Variants in SLC24A3 observed in about 807,000 individuals in gnomAD.
The protein encoded by SLC24A3 is solute carrier family 24 member 3, also known as sodium/potassium/calcium exchanger 3.
Under a neutral mutation model 75.8 loss-of-function variants are expected in SLC24A3, and 28 were observed. The ratio of observed to expected loss-of-function variants is 0.37; its 90% confidence interval spans 0.27 to 0.51. The LOEUF is 0.51. SLC24A3 is among the 20% of genes least tolerant of loss of function. SLC24A3 has a pLI of 0.94. For synonymous variants in SLC24A3, 372 were observed against 334.1 expected (o/e 1.11, Z -1.24); for missense variants, 663 against 847.8 (o/e 0.78, Z 2.71).
intron 2 of SLC24A3, among the ~76,000 whole-genome samples, chr20:19,339,428 G>A (rs1985218733): frequency 6.6e-6 from 1 of 152,100 alleles, no homozygotes; most frequent in Admixed American, 6.5e-5. Flanking sequence ...ATTTGTAAAA[G>A]AGAAAAATGT....
At chr20:19,508,274 GTGCA>G (rs1387087019) in intron 2 of SLC24A3, among the ~76,000 whole-genome samples, 1 of 152,132 alleles carries the variant, frequency 6.6e-6, no homozygotes, top group Non-Finnish European at 1.5e-5. Flanking sequence ...CCATCCTTCG[GTGCA>G]ATTCCTGAGA....
At chr20:19,655,558 G>A (rs948801812) in intron 7 of SLC24A3, among the ~76,000 whole-genome samples, 1 of 152,158 alleles carries the variant, frequency 6.6e-6, no homozygotes, top group African/African-American at 2.4e-5. Flanking sequence ...GGCTGTCTGT[G>A]AGAGTGCTTT....
chr20:19,565,259 C>A (rs2030936670), intron 3 of SLC24A3, among the ~76,000 whole-genome samples: 1 of 152,204 alleles, frequency 6.6e-6, no homozygotes, highest in African/African-American at 2.4e-5. Context: ...AATTCTCTTT[C>A]CTTGTTTGTG....
chr20:19,492,835 C>T (rs1381168737), intron 2 of SLC24A3, among the ~76,000 whole-genome samples: 3 of 151,980 alleles, frequency 2.0e-5, no homozygotes, highest in African/African-American at 7.3e-5. Context: ...TATGGCCTGT[C>T]CTCATCTACA....
intron 3 of SLC24A3, among the ~76,000 whole-genome samples, chr20:19,519,273 TG>T (rs2030058204): frequency 6.6e-6 from 1 of 152,226 alleles, no homozygotes. Context: ...CAGATGGTTC[TG>T]ACCCCTTGAT....
At chr20:19,676,913 C>G (rs906982423) in intron 9 of SLC24A3, among the ~76,000 whole-genome samples, 1 of 152,192 alleles carries the variant, frequency 6.6e-6, no homozygotes, top group Non-Finnish European at 1.5e-5. Context: ...GTCATGGGAC[C>G]TCAGCCAAGT....
At chr20:19,511,800 G>A (rs1473885963) in intron 2 of SLC24A3, among the ~76,000 whole-genome samples, 2 of 152,198 alleles carry the variant, frequency 1.3e-5, no homozygotes, top group African/African-American at 2.4e-5. Context: ...TTTCTGAGAG[G>A]AGCTGTAATG....
At chr20:19,258,833 C>T (rs547636679) in intron 1 of SLC24A3, among the ~76,000 whole-genome samples, 30 of 152,172 alleles carry the variant, frequency 2.0e-4, no homozygotes, top group Non-Finnish European at 3.5e-4. Context: ...TGTGCAGGGT[C>T]GATCAAGCAC....
intron 13 of SLC24A3, chr20:19,696,556 A>T: frequency 2.4e-6 from 1 of 420,354 alleles, no homozygotes; most frequent in Admixed American, 3.8e-5. Flanking sequence ...GAAGAGAACA[A>T]GTGAAAAGGC....
chr20:19,219,015 T>C (rs1255561359), intron 1 of SLC24A3, among the ~76,000 whole-genome samples: 2 of 152,168 alleles, frequency 1.3e-5, no homozygotes, highest in Non-Finnish European at 2.9e-5. Context: ...TCTTTTTCTA[T>C]AGAGCTTGTT....
At chr20:19,642,456 A>T (rs1426426981) in intron 6 of SLC24A3, among the ~76,000 whole-genome samples, 1 of 152,198 alleles carries the variant, frequency 6.6e-6, no homozygotes. Flanking sequence ...ATCACACAGT[A>T]CCTGAAGGGT....
At chr20:19,288,637 C>T (rs1395791520) in intron 2 of SLC24A3, among the ~76,000 whole-genome samples, 6 of 152,144 alleles carry the variant, frequency 3.9e-5, no homozygotes, top group Non-Finnish European at 4.4e-5. Context: ...TCAGGAAAAA[C>T]GGTATGATGA....
chr20:19,427,295 C>T (rs1423832637), intron 2 of SLC24A3, among the ~76,000 whole-genome samples: 2 of 152,144 alleles, frequency 1.3e-5, no homozygotes, highest in African/African-American at 4.8e-5. Context: ...TCAGTACACA[C>T]ATCATAGTGT....
intron 2 of SLC24A3, among the ~76,000 whole-genome samples, chr20:19,410,554 G>A (rs921122620): frequency 4.6e-5 from 7 of 152,044 alleles, no homozygotes; most frequent in African/African-American, 1.4e-4. Flanking sequence ...CAGAACTGGA[G>A]GAAATACGCC....
intron 3 of SLC24A3, among the ~76,000 whole-genome samples, chr20:19,565,399 T>A (rs1282570057): frequency 9.7e-6 from 1 of 102,882 alleles, no homozygotes; most frequent in East Asian, 2.9e-4. Flanking sequence ...GGAATTTGTG[T>A]TCTCGGGGGG....
In SLC24A3 at chr20:19,428,246, G is replaced by A. The variant is rs146846593; in HGVS notation, c.272-87242G>A. On this transcript the variant is annotated intron_variant, in intron 2 of 16. Coordinates refer to ENST00000328041, the MANE Select transcript of SLC24A3 (RefSeq NM_020689.4). ...CAGCTTCTACTTCTGTTACCTTCTG[G>A]TTTGCCTCAACCAGCTCATTTCACA... Among the ~76,000 whole-genome samples, 157 of 152,232 alleles carry A rather than the reference G, an allele frequency of 1.0e-3. No individual in the cohort carries two copies. The Middle Eastern group carries it at 0.024, about 23-fold the overall frequency.
chr20:19,477,997 C>G (rs1433519316), intron 2 of SLC24A3, among the ~76,000 whole-genome samples: 1 of 152,170 alleles, frequency 6.6e-6, no homozygotes, highest in Non-Finnish European at 1.5e-5. Context: ...ACATCAATTC[C>G]CCCTTTCGAA....
At chr20:19,310,350 G>A (rs1278431369) in intron 2 of SLC24A3, among the ~76,000 whole-genome samples, 1 of 152,198 alleles carries the variant, frequency 6.6e-6, no homozygotes, top group African/African-American at 2.4e-5. Flanking sequence ...AAGTTCCCAG[G>A]TGGTCATGTG....
chr20:19,693,414 A>G lies in SLC24A3; in HGVS notation c.1480A>G (p.Met494Val), dbSNP rs750058264. ...GTGGATCGCAGCCTTCTCCTACATG[A>G]TGGTGTGGATGGTGAGTGCAATCGG... ...TLWIAAFSYMMVWMVTIIGYT... is the reference protein window; with the variant it reads ...TLWIAAFSYMVVWMVTIIGYT... The change falls in exon 13 of 17, where the codon ATG (methionine) becomes GTG (valine). Residue 494 changes from methionine to valine, a missense_variant. Met to Val is a conservative substitution (Grantham distance 21). Around this residue, in one of 2 missense-constraint regions of SLC24A3, gnomAD observed 510 missense variants for 703.6 expected, o/e 0.72. Transcript: ENST00000328041. 3 of 1,613,836 alleles carry G rather than the reference A, an allele frequency of 1.9e-6. No homozygotes were observed. The highest frequency in any genetic ancestry group is 3.3e-5 in the Admixed American group (2 of 59,964).
Sources: allele counts gnomAD v4.1 joint callset (sites outside exome capture counted in the v4.1 genomes callset), GRCh38; gene constraint gnomAD v4.1.1; regional missense constraint gnomAD v4.1.1; transcripts MANE v1.5; gene names NCBI Gene and HGNC (gene_info 2026-07-23, HGNC 2026-07-21).